The following THOP1 variants were observed in gnomAD, a reference collection of about 807,000 sequenced individuals.
THOP1 encodes the protein thimet oligopeptidase.
A neutral mutation model predicts 71.8 loss-of-function variants in THOP1; 49 were observed. That is an observed-to-expected ratio of 0.68 (90% CI 0.54 to 0.87). The LOEUF (loss-of-function observed/expected upper bound fraction) is 0.87. Among genes scored for constraint, THOP1 ranks in the 40% least tolerant of loss-of-function variants. THOP1 has a pLI of 0.00. For synonymous variants in THOP1, 426 were observed against 421.5 expected (o/e 1.01, Z -0.13); for missense variants, 843 against 975.6 (o/e 0.86, Z 1.81).
In THOP1 at chr19:2,808,326, C is replaced by T. The variant is rs780181229; in HGVS notation, c.1337C>T (p.Ala446Val). 4.4e-6 allele frequency: 7 copies of T among 1,597,508 alleles called. No homozygotes were observed. Among genetic ancestry groups the T allele is most frequent in the East Asian group, 4.5e-5 (2 of 44,094 alleles). ...GATGGGAGCCGCCAGATCGCCATCG[C>T]GGCCATGGTGGCCAACTTCACCAAG... ...RQDGSRQIAI[A>V]AMVANFTKPT... The change falls in exon 9 of 13, where the codon GCG (alanine) becomes GTG (valine). Residue 446 changes from alanine to valine, a missense_variant. Coordinates refer to ENST00000307741, the MANE Select transcript of THOP1 (RefSeq NM_003249.5).
intron 3 of THOP1, 78 bp from the exon 4 acceptor site, chr19:2,796,003 T>G: frequency 8.3e-7 from 1 of 1,205,826 alleles, no homozygotes; most frequent in South Asian, 1.3e-5. Context: ...ATGATCAGGT[T>G]TTTAAGAAAC....
chr19:2,810,169 G>T, intron 9 of THOP1, 135 bp from the exon 10 acceptor site: 38 of 1,141,094 alleles, frequency 3.3e-5, no homozygotes, highest in Admixed American at 5.5e-5. Flanking sequence ...TTCCAGTTTT[G>T]GGGTGGGAGG....
chr19:2,799,854 G>A (rs1309511107), intron 5 of THOP1, 63 bp downstream of exon 5: 1 of 1,423,312 alleles, frequency 7.0e-7, no homozygotes, highest in African/African-American at 1.4e-5. Context: ...AGGCCTGCCA[G>A]GCCCTCGGGG....
At chr19:2,803,388 G>T (rs979581659) in intron 5 of THOP1, among the ~76,000 whole-genome samples, 2 of 152,192 alleles carry the variant, frequency 1.3e-5, no homozygotes, top group African/African-American at 4.8e-5. Context: ...GGGATTGCTT[G>T]AGTCTGGGAG....
chr19:2,808,523 G>A (rs2144781483), intron 9 of THOP1, 79 bp downstream of exon 9: 1 of 1,437,282 alleles, frequency 7.0e-7, no homozygotes, highest in East Asian at 2.5e-5. Context: ...CAAGCCTGGG[G>A]CTTCGGCTTC....
rs1376524292 is a variant in THOP1 at position 2,808,230 on chromosome 19, C to T, written c.1254-13C>T. On this transcript the variant is annotated splice_polypyrimidine_tract_variant and intron_variant, in intron 8 of 12. Transcript: ENST00000307741. The stretch of plus-strand genomic sequence containing the variant: ...CTAGTCCCTGCGGGGCCTGACGCTG[C>T]CTCCCTCCCCAGGGAAGGAAAGTAC... 4.5e-6 allele frequency: 7 copies of T among 1,545,430 alleles called. No individual in the cohort carries two copies. The highest frequency in any genetic ancestry group is 5.2e-6 in the Non-Finnish European group (6 of 1,143,444).
intron 10 of THOP1, 73 bp from the exon 11 acceptor site, chr19:2,810,567 T>TG (rs1295898702): frequency 2.6e-6 from 4 of 1,524,916 alleles, no homozygotes; most frequent in Non-Finnish European, 3.5e-6. Flanking sequence ...GTGCCCCGGG[T>TG]GGGGGTCGGA....
chr19:2,808,551 G>A lies in THOP1; in HGVS notation c.1455+107G>A, dbSNP rs991089019. Reference sequence around the variant, plus strand: ...TCGGCTTCCGGCTCTCTCTGCACCCGTCCGGTGGCTCCTTCATCCAATGCC... The same window carrying A: ...TCGGCTTCCGGCTCTCTCTGCACCCATCCGGTGGCTCCTTCATCCAATGCC... On this transcript the variant is annotated intron_variant, in intron 9 of 12. Transcript: ENST00000307741. The A allele has an allele frequency of 7.7e-5, 97 of 1,264,586 alleles. 1 individual carries two copies. The Middle Eastern group carries it at 1.6e-3, about 21-fold the overall frequency. 78.3% of individuals were successfully genotyped at this position (1,264,586 alleles called of 1,614,324 possible).
At chr19:2,791,975 C>T (rs1247679354) in intron 2 of THOP1, among the ~76,000 whole-genome samples, 3 of 152,208 alleles carry the variant, frequency 2.0e-5, no homozygotes, top group Admixed American at 6.5e-5. Flanking sequence ...CCCCTCGCGC[C>T]CCTCGCCCTG....
Position 2,810,654 on chromosome 19 carries a change from C to T in THOP1, c.1657C>T (p.Arg553Cys). The change falls in exon 11 of 13, where the codon CGC (arginine) becomes TGC (cysteine). Residue 553 changes from arginine (R) to cysteine (C), a missense_variant. By Grantham distance (180) the Arg-to-Cys change is radical. Coordinates refer to ENST00000307741, the MANE Select transcript of THOP1 (RefSeq NM_003249.5). Reference protein sequence around the residue: ...RQANTGLFNLRQIVLAKVDQA... With the variant: ...RQANTGLFNLCQIVLAKVDQA... Reference sequence around the variant, plus strand: ...CTCCCGCCCAGGCCTCTTCAACCTGCGCCAGATCGTCCTCGCCAAGGTGGA... The same window carrying T: ...CTCCCGCCCAGGCCTCTTCAACCTGTGCCAGATCGTCCTCGCCAAGGTGGA... 1.3e-6 allele frequency: 2 copies of T among 1,555,268 alleles called. No homozygotes were observed. The highest frequency in any genetic ancestry group is 2.4e-5 in the East Asian group (1 of 41,458).
chr19:2,794,964 C>T (rs746497026), intron 3 of THOP1, 52 bp downstream of exon 3: 8 of 1,575,422 alleles, frequency 5.1e-6, no homozygotes, highest in Non-Finnish European at 6.9e-6. Flanking sequence ...ACTAGGATTA[C>T]AGGCGCCCGC....
chr19:2,804,885 C>T lies in THOP1; in HGVS notation c.590-131C>T. ...AGAATTGCAGCGGGTGGTGGCCAGG[C>T]TGCAGCTGCTCGCTGAGGGCCCCCT... On this transcript the variant is annotated intron_variant, in intron 5 of 12. Coordinates refer to ENST00000307741, the MANE Select transcript of THOP1 (RefSeq NM_003249.5). The surrounding 1 kb of genome is among the most constrained non-coding windows in gnomAD (Gnocchi z 4.7). The T allele has an allele frequency of 1.2e-6, 1 of 867,444 alleles. No individual in the cohort carries two copies. Among genetic ancestry groups the T allele is most frequent in the East Asian group, 2.9e-5 (1 of 34,696 alleles). 53.7% of individuals were successfully genotyped at this position (867,444 alleles called of 1,614,324 possible). A position where few individuals can be genotyped will look rare whatever the true frequency, so the allele number is the denominator to read the frequency against.
In THOP1 at chr19:2,785,678, G is replaced by A; in HGVS notation, c.16G>A (p.Ala6Thr). ...CCCACCCGCCATGAAGCCCCCCGCA[G>A]GTACCGACTACCCCGCTCGCCGGAC... MKPPA[A>T]CAGDMADAAS... The change falls in exon 1 of 13, where the codon GCC becomes ACC. Residue 6 changes from alanine to threonine, a missense_variant and splice_region_variant. Physicochemically the swap from Ala to Thr is moderately conservative, Grantham distance 58 (BLOSUM62 0). Coordinates refer to ENST00000307741, the MANE Select transcript of THOP1 (RefSeq NM_003249.5). 1 of 1,488,342 alleles carries A rather than the reference G, an allele frequency of 6.7e-7. No individual in the cohort carries two copies. The highest frequency in any genetic ancestry group is 9.0e-7 in the Non-Finnish European group (1 of 1,116,664). The allele number at this position is 1,488,342 out of a possible 1,614,324, so 92.2% of individuals were successfully genotyped here.
At chr19:2,800,179 TTTAA>T (rs922537177) in intron 5 of THOP1, among the ~76,000 whole-genome samples, 5 of 152,314 alleles carry the variant, frequency 3.3e-5, no homozygotes, top group South Asian at 2.1e-4. Context: ...ATTTATTTAA[TTTAA>T]TTAATTAATT....
At chr19:2,795,389 G>A (rs1293378211) in intron 3 of THOP1, among the ~76,000 whole-genome samples, 2 of 152,230 alleles carry the variant, frequency 1.3e-5, no homozygotes, top group Non-Finnish European at 2.9e-5. Flanking sequence ...GATGCTCCTC[G>A]CAGTATGCAG....
intron 12 of THOP1, chr19:2,812,185 C>T (rs1916495059): frequency 4.0e-6 from 6 of 1,495,886 alleles, no homozygotes; most frequent in South Asian, 2.5e-5. Flanking sequence ...TTCATTTGCT[C>T]CTCCAACCTC....
intron 8 of THOP1, chr19:2,808,016 C>T (rs945625771): frequency 3.9e-5 from 30 of 778,896 alleles, no homozygotes; most frequent in Middle Eastern, 7.7e-4. Flanking sequence ...CCCGACAGGG[C>T]GCAGCTCTGC....
At chr19:2,789,301 C>A (rs1007746511) in intron 1 of THOP1, among the ~76,000 whole-genome samples, 1 of 152,218 alleles carries the variant, frequency 6.6e-6, no homozygotes, top group Non-Finnish European at 1.5e-5. Flanking sequence ...TTAGGTGTTT[C>A]CAGGTGGTTT....
Position 2,805,122 on chromosome 19 carries a change from C to T in THOP1, c.696C>T (p.His232=), listed in dbSNP as rs140417530. Residue 232 remains histidine, a synonymous_variant, in exon 6 of 13, where the codon CAC becomes CAT. Transcript: ENST00000307741. The surrounding 1 kb of genome is among the most constrained non-coding windows in gnomAD (Gnocchi z 6.6). The stretch of plus-strand genomic sequence containing the variant: ...ACTTCCCCCTCCTGAAGAAATGCCA[C>T]GTGCCTGAGACCAGGAGGAAAGTGG... The part of the protein sequence containing the change: ...PHYFPLLKKC[H]VPETRRKVEE... 68 of 1,612,694 alleles carry T rather than the reference C, an allele frequency of 4.2e-5. 1 individual carries two copies. Among genetic ancestry groups the T allele is most frequent in the Middle Eastern group, 3.3e-4 (2 of 6,080 alleles).
Sources: gnomAD v4.1 joint callset for allele counts (sites outside exome capture counted in the v4.1 genomes callset) on GRCh38, gnomAD v4.1.1 for gene constraint, Gnocchi (gnomAD v3.1) non-coding constraint, MANE v1.5 for transcripts, NCBI Gene and HGNC (gene_info 2026-07-23, HGNC 2026-07-21) for gene names.